Variants in KCNS3 observed in about 807,000 individuals in gnomAD.
The protein encoded by KCNS3 is potassium voltage-gated channel modifier subfamily S member 3.
A neutral mutation model predicts 31.0 loss-of-function variants in KCNS3; 13 were observed. The ratio of observed to expected loss-of-function variants is 0.42; its 90% CI spans 0.27 to 0.67. The LOEUF is 0.67. Among genes scored for constraint, KCNS3 ranks in the 30% least tolerant of loss-of-function variants. KCNS3 has a pLI of 0.25. For synonymous variants in KCNS3, 238 were observed against 241.5 expected (o/e 0.99, Z 0.13); for missense variants, 545 against 622.4 (o/e 0.88, Z 1.32).
chr2:17,904,204 A>G (rs1198214743), intron 1 of KCNS3, among the ~76,000 whole-genome samples: 6 of 152,100 alleles, frequency 3.9e-5, no homozygotes, highest in Admixed American at 1.3e-4. Flanking sequence ...TTTCTCTGAT[A>G]GCCAGGGATG....
intron 1 of KCNS3, among the ~76,000 whole-genome samples, chr2:17,894,014 G>C (rs1661926954): frequency 6.9e-6 from 1 of 144,282 alleles, no homozygotes; most frequent in Non-Finnish European, 1.5e-5. Context: ...AGGATGGACA[G>C]TTTAATGTGG....
intron 1 of KCNS3, among the ~76,000 whole-genome samples, chr2:17,898,382 T>C (rs1427007367): frequency 6.6e-6 from 1 of 152,150 alleles, no homozygotes; most frequent in African/African-American, 2.4e-5. Flanking sequence ...TGAATCTATC[T>C]GTAGATTGCT....
At chr2:17,881,216 C>T (rs1674636450) in intron 1 of KCNS3, among the ~76,000 whole-genome samples, 1 of 152,114 alleles carries the variant, frequency 6.6e-6, no homozygotes, top group South Asian at 2.1e-4. Flanking sequence ...CCTGAGGTCT[C>T]ACTAGGAGGA....
At chr2:17,908,700 T>A (rs1662397071) in intron 1 of KCNS3, among the ~76,000 whole-genome samples, 1 of 152,250 alleles carries the variant, frequency 6.6e-6, no homozygotes, top group African/African-American at 2.4e-5. Context: ...CAGCTGCAGG[T>A]CTGTTGGAGT....
At chr2:17,921,942 T>C (rs1352314231) in intron 2 of KCNS3, among the ~76,000 whole-genome samples, 1 of 110,860 alleles carries the variant, frequency 9.0e-6, no homozygotes, top group Admixed American at 1.0e-4. Flanking sequence ...TATATATATA[T>C]ATATATATAT....
At chr2:17,914,320 G>T (rs561523655) in intron 1 of KCNS3, among the ~76,000 whole-genome samples, 15 of 152,332 alleles carry the variant, frequency 9.8e-5, no homozygotes, top group Admixed American at 8.5e-4. Flanking sequence ...TCAGCAGGAG[G>T]CACCTCAGGG....
chr2:17,924,126 A>G (rs1662782136), intron 2 of KCNS3, among the ~76,000 whole-genome samples: 1 of 151,802 alleles, frequency 6.6e-6, no homozygotes, highest in Non-Finnish European at 1.5e-5. Context: ...GATGCTATTG[A>G]AAATATAATT....
chr2:17,910,530 CTGT>C (rs1362931577), intron 1 of KCNS3, among the ~76,000 whole-genome samples: 11 of 151,900 alleles, frequency 7.2e-5, no homozygotes, highest in Non-Finnish European at 1.2e-4. Context: ...GTTGCTGTTT[CTGT>C]TGTTGTCAGC....
Position 17,932,211 on chromosome 2 carries a change from C to T in KCNS3, c.1203C>T (p.Pro401=). Residue 401 remains proline, a synonymous_variant, in exon 3 of 3, where the codon CCC becomes CCT. Coordinates refer to ENST00000304101, the MANE Select transcript of KCNS3 (RefSeq NM_002252.5). ...GTGGCATCTTGGTGGTGGCCCTTCC[C>T]ATCACCATCATCTTCAACAAGTTTT... The part of the protein sequence containing the change: ...IICGILVVAL[P]ITIIFNKFSK... 1 of 1,613,790 alleles carries T rather than the reference C, an allele frequency of 6.2e-7. No homozygotes were observed. Among genetic ancestry groups the T allele is most frequent in the Non-Finnish European group, 8.5e-7 (1 of 1,179,918 alleles).
chr2:17,878,322 AG>A (rs1674552951), upstream of KCNS3, among the ~76,000 whole-genome samples: 1 of 152,020 alleles, frequency 6.6e-6, no homozygotes, highest in Admixed American at 6.5e-5. Context: ...CTTCCGGCCC[AG>A]GAGGGCGCGC....
At chr2:17,882,930 C>G (rs1295649094) in intron 1 of KCNS3, among the ~76,000 whole-genome samples, 8 of 152,120 alleles carry the variant, frequency 5.3e-5, no homozygotes, top group African/African-American at 1.7e-4. Context: ...CTTTAATAAG[C>G]TAAAATAGTT....
chr2:17,888,626 A>AAGTATAT (rs1553341384), intron 1 of KCNS3, among the ~76,000 whole-genome samples: 77 of 47,562 alleles, frequency 1.6e-3, no homozygotes, highest in Admixed American at 2.6e-3. Context: ...TAATAAAAAA[A>AAGTATAT]ATGTATATAT....
intron 1 of KCNS3, among the ~76,000 whole-genome samples, chr2:17,886,120 G>A (rs1214553900): frequency 6.6e-6 from 1 of 152,212 alleles, no homozygotes; most frequent in African/African-American, 2.4e-5. Flanking sequence ...CTTTAGGAAT[G>A]CTGGCTTAAA....
intron 2 of KCNS3, among the ~76,000 whole-genome samples, chr2:17,921,925 A>T (rs1344480492): frequency 1.5e-5 from 1 of 68,644 alleles, no homozygotes; most frequent in African/African-American, 6.7e-5. Flanking sequence ...GTATATATAT[A>T]TATATATATA....
chr2:17,879,822 C>T (rs1674599632), intron 1 of KCNS3, among the ~76,000 whole-genome samples: 2 of 152,206 alleles, frequency 1.3e-5, no homozygotes, highest in Admixed American at 1.3e-4. Context: ...CAGCAAAGAG[C>T]TACCTCCACC....
intron 2 of KCNS3, among the ~76,000 whole-genome samples, chr2:17,923,606 C>T (rs1662770620): frequency 2.0e-5 from 3 of 151,880 alleles, no homozygotes; most frequent in Admixed American, 2.0e-4. Flanking sequence ...ATAATTTTAA[C>T]ACCTACATTC....
intron 1 of KCNS3, among the ~76,000 whole-genome samples, chr2:17,911,847 A>C (rs1226014226): frequency 1.3e-5 from 2 of 152,236 alleles, no homozygotes; most frequent in East Asian, 3.8e-4. Context: ...CCCTAAAATC[A>C]GTTAACTTCT....
At chr2:17,889,061 A>G (rs1661773916) in intron 1 of KCNS3, among the ~76,000 whole-genome samples, 1 of 152,156 alleles carries the variant, frequency 6.6e-6, no homozygotes, top group South Asian at 2.1e-4. Context: ...ATCCATGAGC[A>G]TGGGATGTGT....
intron 1 of KCNS3, among the ~76,000 whole-genome samples, chr2:17,886,900 G>A (rs1157549923): frequency 3.3e-5 from 5 of 152,122 alleles, no homozygotes; most frequent in Non-Finnish European, 1.5e-5. Flanking sequence ...TGTGAACATA[G>A]GAGTCTTGTG....
Sources: gnomAD v4.1 joint callset for allele counts (sites outside exome capture counted in the v4.1 genomes callset) on GRCh38, gnomAD v4.1.1 for gene constraint, MANE v1.5 for transcripts, NCBI Gene and HGNC (gene_info 2026-07-23, HGNC 2026-07-21) for gene names.